APLF: variants seen among roughly 807,000 people sequenced by gnomAD.
The protein encoded by APLF is aprataxin and PNK-like factor.
A neutral mutation model predicts 55.6 loss-of-function variants in APLF; 61 were observed. That is an observed-to-expected ratio of 1.10 (90% CI 0.89 to 1.36). The LOEUF (loss-of-function observed/expected upper bound fraction) is 1.36, where lower values mean the gene tolerates loss of function less well. Among genes scored for constraint, APLF ranks in the 40% most tolerant of loss-of-function variants. The pLI is 0.00. For missense variants in APLF, 611 were observed against 602.5 expected, an observed-to-expected ratio of 1.01 and a Z score of -0.15; for synonymous variants, 207 against 214.8, an observed-to-expected ratio of 0.96 and a Z score of 0.32.
Position 68,467,594 on chromosome 2 carries a change from G to C in APLF, c.-138G>C, listed in dbSNP as rs779444534. Reference sequence around the variant, plus strand: ...GCTGGGGCCGGGCTCTGAGAGGACCGGCGCAGCCGCGGGGAGCCTTTGAGG... The same window carrying C: ...GCTGGGGCCGGGCTCTGAGAGGACCCGCGCAGCCGCGGGGAGCCTTTGAGG... On this transcript the variant is annotated 5_prime_UTR_variant, in exon 1 of 10. Transcript: ENST00000303795. 7 of 632,772 alleles carry C rather than the reference G, an allele frequency of 1.1e-5. No homozygotes were observed. The highest frequency in any genetic ancestry group is 1.1e-5 in the Non-Finnish European group (5 of 439,856). The allele number at this position is 632,772 out of a possible 1,614,324, so 39.2% of individuals were successfully genotyped here. A position where few individuals can be genotyped will look rare whatever the true frequency, so the allele number is the denominator to read the frequency against.
At chr2:68,504,670 A>T (rs1054387918) in intron 3 of APLF, among the ~76,000 whole-genome samples, 1 of 152,042 alleles carries the variant, frequency 6.6e-6, no homozygotes, top group Non-Finnish European at 1.5e-5. Flanking sequence ...TTCCCCTAAG[A>T]TTGGGAATAC....
At chr2:68,559,199 G>T (rs953960129) in intron 8 of APLF, among the ~76,000 whole-genome samples, 3 of 152,184 alleles carry the variant, frequency 2.0e-5, no homozygotes, top group East Asian at 1.9e-4. Context: ...GCTCTGGGGG[G>T]TCTTGATTCA....
intron 5 of APLF, among the ~76,000 whole-genome samples, chr2:68,517,569 A>AAT (rs1293221562): frequency 7.0e-6 from 1 of 143,734 alleles, no homozygotes; most frequent in Non-Finnish European, 1.5e-5. Flanking sequence ...AACATATAAC[A>AAT]ATATATCACT....
chr2:68,502,580 T>G, intron 2 of APLF, 151 bp from the exon 3 acceptor site: 2 of 424,438 alleles, frequency 4.7e-6, no homozygotes, highest in Non-Finnish European at 7.7e-6. Flanking sequence ...TTAGATTTAT[T>G]AAACTTTTAA....
chr2:68,467,611 C>A lies in APLF; in HGVS notation c.-121C>A. ...AGAGGACCGGCGCAGCCGCGGGGAG[C>A]CTTTGAGGCCCTCCCTCGGTGTTTT... On this transcript the variant is annotated 5_prime_UTR_variant, in exon 1 of 10. Transcript: ENST00000303795. 1 of 793,990 alleles carries A rather than the reference C, an allele frequency of 1.3e-6. No individual in the cohort carries two copies. The highest frequency in any genetic ancestry group is 1.7e-6 in the Non-Finnish European group (1 of 586,852). 49.2% of individuals were successfully genotyped at this position (793,990 alleles called of 1,614,324 possible).
intron 5 of APLF, among the ~76,000 whole-genome samples, chr2:68,517,426 TTAA>T (rs1669645926): frequency 7.5e-6 from 1 of 132,504 alleles, no homozygotes; most frequent in Non-Finnish European, 1.5e-5. Context: ...TTACTATATA[TTAA>T]TATATCTATA....
chr2:68,479,514 T>C (rs1675885082), intron 1 of APLF, among the ~76,000 whole-genome samples: 1 of 152,214 alleles, frequency 6.6e-6, no homozygotes, highest in Admixed American at 6.5e-5. Flanking sequence ...TGGAGATGAA[T>C]GCTTCTGAGC....
intron 8 of APLF, among the ~76,000 whole-genome samples, chr2:68,564,477 A>G (rs959748868): frequency 2.0e-5 from 3 of 152,078 alleles, no homozygotes; most frequent in Non-Finnish European, 4.4e-5. Flanking sequence ...TGTCACACTG[A>G]CACAAGGCCT....
rs199680146 is a variant in APLF, at chr2:68,545,245, G to A, written c.1219G>A (p.Val407Ile). Residue 407 changes from valine to isoleucine, a missense_variant, in exon 8 of 10, where the codon GTA (valine) becomes ATA (isoleucine). Val to Ile is a conservative substitution (Grantham distance 29, BLOSUM62 3). Transcript: ENST00000303795. ...SHPGDSDYGGVQIVGQDETDD... is the reference protein window; with the variant it reads ...SHPGDSDYGGIQIVGQDETDD... ...TCCTGGTGATAGTGATTATGGAGGT[G>A]TACAAATCGTGGGCCAAGATGAGAC... is the stretch of plus-strand genomic sequence containing the variant. 12 of 1,613,866 alleles carry A rather than the reference G, an allele frequency of 7.4e-6. No homozygotes were observed. The East Asian group carries it at 2.0e-4, about 27-fold the overall frequency.
At chr2:68,520,301 A>G (rs747143015) in intron 5 of APLF, among the ~76,000 whole-genome samples, 2 of 151,984 alleles carry the variant, frequency 1.3e-5, no homozygotes, top group African/African-American at 2.4e-5. Context: ...TTTTGCGTGC[A>G]GAAGCTTTTT....
intron 6 of APLF, among the ~76,000 whole-genome samples, chr2:68,534,859 G>T (rs571279818): frequency 2.6e-4 from 40 of 152,250 alleles, no homozygotes; most frequent in African/African-American, 8.9e-4. Flanking sequence ...TCTAGCTCCT[G>T]AGCTTTTTAA....
At chr2:68,510,032 C>T (rs569356222) in intron 3 of APLF, among the ~76,000 whole-genome samples, 37 of 135,234 alleles carry the variant, frequency 2.7e-4, no homozygotes, top group Non-Finnish European at 4.6e-4. Flanking sequence ...AACACTTGGA[C>T]ACAGGAAGGG....
chr2:68,480,959 T>A (rs1675931681), intron 1 of APLF, among the ~76,000 whole-genome samples: 1 of 152,214 alleles, frequency 6.6e-6, no homozygotes, highest in African/African-American at 2.4e-5. Context: ...CTGGGATAAA[T>A]TTCACTTGAT....
chr2:68,550,928 A>G (rs1670842747), intron 8 of APLF, among the ~76,000 whole-genome samples: 2 of 152,054 alleles, frequency 1.3e-5, no homozygotes, highest in Admixed American at 1.3e-4. Flanking sequence ...CTTTATTTAC[A>G]TATTTATTAT....
Position 68,578,592 on chromosome 2 carries a change from G to T in APLF, c.*570G>T. 1 of 985,428 alleles carries T rather than the reference G, an allele frequency of 1.0e-6. No individual in the cohort carries two copies. Among genetic ancestry groups the T allele is most frequent in the Non-Finnish European group, 1.2e-6 (1 of 830,008 alleles). 61.0% of individuals were successfully genotyped at this position (985,428 alleles called of 1,614,324 possible). Reference sequence around the variant, plus strand: ...TGGTTCCAAATGGGTACTGAAAATAGATTCAACTAGGCTGTAGAAGAGAAA... The same window carrying T: ...TGGTTCCAAATGGGTACTGAAAATATATTCAACTAGGCTGTAGAAGAGAAA... On this transcript the variant is annotated 3_prime_UTR_variant, in exon 10 of 10. Coordinates refer to ENST00000303795, the MANE Select transcript of APLF (RefSeq NM_173545.3).
chr2:68,517,788 A>G (rs1669670353), intron 5 of APLF, among the ~76,000 whole-genome samples: 1 of 144,498 alleles, frequency 6.9e-6, no homozygotes, highest in Non-Finnish European at 1.5e-5. Flanking sequence ...TCACTAATAT[A>G]ATGTTAATAT....
At chr2:68,488,986 G>A (rs957759458) in intron 1 of APLF, among the ~76,000 whole-genome samples, 5 of 151,960 alleles carry the variant, frequency 3.3e-5, no homozygotes, top group Non-Finnish European at 5.9e-5. Flanking sequence ...AAAAAAAAAG[G>A]TACAATCTGG....
Position 68,513,080 on chromosome 2 carries a change from A to G in APLF, c.342A>G (p.Arg114=), listed in dbSNP as rs1381499915. 1 of 1,601,124 alleles carries G rather than the reference A, an allele frequency of 6.2e-7. No homozygotes were observed. The highest frequency in any genetic ancestry group is 1.1e-5 in the South Asian group (1 of 88,850). The change falls in exon 4 of 10, where the codon AGA becomes AGG. Residue 114 remains arginine, a splice_region_variant and synonymous_variant. Transcript: ENST00000303795. ...GACCAGTTTCTATTTTATCTTATAG[A>G]AACAGTCAAGTGCTTGATGAAGATA... The part of the protein sequence containing the change: ...PSEVEMQCTL[R]NSQVLDEDNI...
rs777970678 is a variant in APLF at position 68,578,154 on chromosome 2, C to G, written c.*132C>G. The stretch of plus-strand genomic sequence containing the variant: ...TAGTTAATGACTTTTACTACTGACT[C>G]TTTACAAATGAGACATTGAAACGTC... On this transcript the variant is annotated 3_prime_UTR_variant, in exon 10 of 10. Coordinates refer to ENST00000303795, the MANE Select transcript of APLF (RefSeq NM_173545.3). 8 of 1,428,148 alleles carry G rather than the reference C, an allele frequency of 5.6e-6. No individual in the cohort carries two copies. The highest frequency in any genetic ancestry group is 7.3e-6 in the Non-Finnish European group (8 of 1,094,912). 88.5% of individuals were successfully genotyped at this position (1,428,148 alleles called of 1,614,324 possible).
Sources: allele counts gnomAD v4.1 joint callset (sites outside exome capture counted in the v4.1 genomes callset), GRCh38; gene constraint gnomAD v4.1.1; transcripts MANE v1.5; gene names NCBI Gene and HGNC (gene_info 2026-07-23, HGNC 2026-07-21).